HS3ST5: variants seen among roughly 807,000 people sequenced by gnomAD.
HS3ST5 encodes heparan sulfate glucosamine 3-O-sulfotransferase 5.
HS3ST5 carries 10 observed loss-of-function variants against 25.4 expected under a neutral mutation model. The ratio of observed to expected loss-of-function variants is 0.39; its 90% CI spans 0.24 to 0.67. The LOEUF is 0.67. Among genes scored for constraint, HS3ST5 ranks in the 30% least tolerant of loss-of-function variants. HS3ST5 has a pLI of 0.44. For synonymous variants in HS3ST5, 170 were observed against 162.4 expected (o/e 1.05, Z -0.36); for missense variants, 324 against 420.7 (o/e 0.77, Z 2.01).
intron 3 of HS3ST5, among the ~76,000 whole-genome samples, chr6:114,167,064 C>A (rs914090512): frequency 1.1e-4 from 17 of 152,188 alleles, no homozygotes; most frequent in Non-Finnish European, 2.1e-4. Flanking sequence ...TAGCTCATTG[C>A]GGCCTTAAAT....
At chr6:114,273,093 A>G (rs1282876745) in intron 1 of HS3ST5, among the ~76,000 whole-genome samples, 3 of 152,088 alleles carry the variant, frequency 2.0e-5, no homozygotes, top group African/African-American at 4.8e-5. Flanking sequence ...TTTAGGGAAC[A>G]AGGGCAGAGG....
At chr6:114,073,228 T>C (rs1773929209) in intron 3 of HS3ST5, among the ~76,000 whole-genome samples, 1 of 152,198 alleles carries the variant, frequency 6.6e-6, no homozygotes, top group Non-Finnish European at 1.5e-5. Context: ...GACATAGGCA[T>C]GGGCAAAGAC....
chr6:114,086,765 G>C (rs1472826483), intron 3 of HS3ST5, among the ~76,000 whole-genome samples: 2 of 152,104 alleles, frequency 1.3e-5, no homozygotes, highest in Non-Finnish European at 2.9e-5. Context: ...TTTTTGTTCG[G>C]GGAACACAGA....
At chr6:114,327,461 G>A (rs1308163386) in intron 1 of HS3ST5, among the ~76,000 whole-genome samples, 4 of 152,154 alleles carry the variant, frequency 2.6e-5, no homozygotes, top group Non-Finnish European at 4.4e-5. Context: ...TATTCATCTT[G>A]CCTCTTATTG....
chr6:114,340,379 T>G (rs1297118764), intron 1 of HS3ST5: 2 of 152,160 alleles, frequency 1.3e-5, no homozygotes, highest in African/African-American at 4.8e-5. Flanking sequence ...GAAAAAAGAG[T>G]GTTTCTAAAA....
chr6:114,123,219 C>T (rs993582370), intron 3 of HS3ST5, among the ~76,000 whole-genome samples: 2 of 152,216 alleles, frequency 1.3e-5, no homozygotes, highest in African/African-American at 4.8e-5. Flanking sequence ...TCCCAAAGTG[C>T]TGGGATTACA....
intron 3 of HS3ST5, among the ~76,000 whole-genome samples, chr6:114,070,561 T>C (rs1773757518): frequency 1.3e-5 from 2 of 152,216 alleles, no homozygotes; most frequent in Non-Finnish European, 1.5e-5. Flanking sequence ...CAAAATACCA[T>C]TGGGATTAGC....
At chr6:114,202,453 A>C (rs982593409) in intron 2 of HS3ST5, among the ~76,000 whole-genome samples, 2 of 152,180 alleles carry the variant, frequency 1.3e-5, no homozygotes, top group African/African-American at 4.8e-5. Flanking sequence ...GAATCTTTGT[A>C]TCTCAAGTGC....
chr6:114,315,089 T>A (rs972765006), intron 1 of HS3ST5, among the ~76,000 whole-genome samples: 4 of 152,192 alleles, frequency 2.6e-5, no homozygotes, highest in Non-Finnish European at 4.4e-5. Flanking sequence ...TAATGTAGAA[T>A]TAATAACTAT....
intron 1 of HS3ST5, among the ~76,000 whole-genome samples, chr6:114,261,723 A>G (rs1162324177): frequency 1.3e-5 from 2 of 152,204 alleles, no homozygotes; most frequent in Admixed American, 1.3e-4. Flanking sequence ...ATATTCTTAC[A>G]TTAGATATGT....
chr6:114,205,830 T>C (rs1412593540), intron 2 of HS3ST5, among the ~76,000 whole-genome samples: 1 of 152,150 alleles, frequency 6.6e-6, no homozygotes, highest in Non-Finnish European at 1.5e-5. Flanking sequence ...CAGTTCACAA[T>C]AGTGTTCATG....
intron 1 of HS3ST5, among the ~76,000 whole-genome samples, chr6:114,292,475 C>G (rs942433084): frequency 1.3e-5 from 2 of 152,186 alleles, no homozygotes; most frequent in African/African-American, 2.4e-5. Flanking sequence ...AAAGTCCCCA[C>G]TTCCCAACAC....
chr6:114,314,145 C>A, intron 1 of HS3ST5, among the ~76,000 whole-genome samples: 1 of 152,274 alleles, frequency 6.6e-6, no homozygotes, highest in East Asian at 1.9e-4. Flanking sequence ...CCAGGCTGGT[C>A]TTGAACTCCT....
chr6:114,175,362 TA>T (rs1024038881), intron 2 of HS3ST5, among the ~76,000 whole-genome samples: 2 of 152,192 alleles, frequency 1.3e-5, no homozygotes, highest in African/African-American at 4.8e-5. Flanking sequence ...GAAAGAGACT[TA>T]AATCTAATGA....
intron 1 of HS3ST5, among the ~76,000 whole-genome samples, chr6:114,303,659 T>C (rs1216117104): frequency 6.6e-6 from 1 of 152,118 alleles, no homozygotes; most frequent in Non-Finnish European, 1.5e-5. Flanking sequence ...CATTACATCA[T>C]ACTAAGAAGA....
intron 3 of HS3ST5, among the ~76,000 whole-genome samples, chr6:114,105,718 G>A (rs2114834338): frequency 6.6e-6 from 1 of 152,178 alleles, no homozygotes; most frequent in Non-Finnish European, 1.5e-5. Flanking sequence ...ATAACTAACT[G>A]ATCAAATTTA....
chr6:114,120,931 T>A (rs1776757125), intron 3 of HS3ST5, among the ~76,000 whole-genome samples: 1 of 152,192 alleles, frequency 6.6e-6, no homozygotes, highest in Non-Finnish European at 1.5e-5. Context: ...ACACCTATAA[T>A]TGGAGGAATT....
intron 3 of HS3ST5, among the ~76,000 whole-genome samples, chr6:114,089,783 G>A (rs762776333): frequency 3.9e-5 from 6 of 152,140 alleles, no homozygotes; most frequent in East Asian, 1.9e-4. Flanking sequence ...GCCACTGAAC[G>A]GAGAAGCCGT....
chr6:114,100,502 G>A (rs139265859), intron 3 of HS3ST5, among the ~76,000 whole-genome samples: 2 of 152,092 alleles, frequency 1.3e-5, no homozygotes, highest in Admixed American at 1.3e-4. Context: ...GCTTTCAGTC[G>A]GGGCACAAAT....
Sources: gnomAD v4.1 joint callset for allele counts (sites outside exome capture counted in the v4.1 genomes callset) on GRCh38, gnomAD v4.1.1 for gene constraint, MANE v1.5 for transcripts, NCBI Gene and HGNC (gene_info 2026-07-23, HGNC 2026-07-21) for gene names.